PTPRD: variants seen among roughly 807,000 people sequenced by gnomAD.
The protein encoded by PTPRD is protein tyrosine phosphatase receptor type D.
In PTPRD, 34 loss-of-function variants were observed where a neutral mutation model predicts 214.5. The ratio of observed to expected loss-of-function variants is 0.16; its 90% CI spans 0.12 to 0.21. The LOEUF is 0.21. PTPRD is among the 10% of genes least tolerant of loss of function. PTPRD has a pLI of 1.00. For synonymous variants in PTPRD, 1,128 were observed against 845.7 expected (o/e 1.33, Z -5.79); for missense variants, 2,545 against 2,398.7 (o/e 1.06, Z -1.27).
chr9:8,561,553 T>C (rs1304628625), intron 14 of PTPRD, among the ~76,000 whole-genome samples: 2 of 152,078 alleles, frequency 1.3e-5, no homozygotes, highest in Non-Finnish European at 2.9e-5. Flanking sequence ...CAAGCGAGAC[T>C]CAGCGGGCTG....
At chr9:9,161,510 G>C (rs1275383402) in intron 10 of PTPRD, among the ~76,000 whole-genome samples, 1 of 152,088 alleles carries the variant, frequency 6.6e-6, no homozygotes, top group African/African-American at 2.4e-5. Flanking sequence ...TAGCAATAGA[G>C]ATTTAATTTT....
intron 3 of PTPRD, among the ~76,000 whole-genome samples, chr9:10,292,029 G>A (rs1565083170): frequency 1.3e-5 from 2 of 152,070 alleles, no homozygotes; most frequent in South Asian, 2.1e-4. Flanking sequence ...CTTAGAGTAA[G>A]CTCTCCATTA....
chr9:8,354,885 G>A (rs929888906), intron 39 of PTPRD, among the ~76,000 whole-genome samples: 1 of 152,190 alleles, frequency 6.6e-6, no homozygotes, highest in African/African-American at 2.4e-5. Context: ...TGCTGTTCCT[G>A]TAATTGTCTT....
intron 3 of PTPRD, among the ~76,000 whole-genome samples, chr9:10,319,582 G>A (rs2096514379): frequency 6.6e-6 from 1 of 152,014 alleles, no homozygotes; most frequent in South Asian, 2.1e-4. Flanking sequence ...GTTAAAGAGA[G>A]TCACACCTTA....
intron 39 of PTPRD, among the ~76,000 whole-genome samples, chr9:8,347,562 G>A (rs1283233837): frequency 6.6e-6 from 1 of 152,136 alleles, no homozygotes; most frequent in Non-Finnish European, 1.5e-5. Flanking sequence ...CACCTTTGAG[G>A]AAGTGCCATT....
At chr9:10,141,575 C>G (rs1358886489) in intron 3 of PTPRD, among the ~76,000 whole-genome samples, 2 of 152,030 alleles carry the variant, frequency 1.3e-5, no homozygotes. Context: ...AGGAGAACTA[C>G]AAACCACTGC....
intron 5 of PTPRD, among the ~76,000 whole-genome samples, chr9:9,933,474 A>G (rs1243138024): frequency 1.3e-5 from 2 of 151,840 alleles, no homozygotes; most frequent in African/African-American, 4.9e-5. Context: ...ATCAAAAGAG[A>G]CAAAGAAGGC....
At chr9:9,001,221 T>A (rs1328934694) in intron 11 of PTPRD, among the ~76,000 whole-genome samples, 1 of 151,980 alleles carries the variant, frequency 6.6e-6, no homozygotes, top group Non-Finnish European at 1.5e-5. Context: ...GTTGCAGCAA[T>A]AAACAAGAAA....
At chr9:10,263,093 A>G (rs1406762161) in intron 3 of PTPRD, among the ~76,000 whole-genome samples, 1 of 152,152 alleles carries the variant, frequency 6.6e-6, no homozygotes, top group Non-Finnish European at 1.5e-5. Context: ...CTCCCCAGCC[A>G]TGTGGAACTG....
intron 3 of PTPRD, among the ~76,000 whole-genome samples, chr9:10,098,161 C>T (rs1486338466): frequency 6.6e-6 from 1 of 151,578 alleles, no homozygotes; most frequent in East Asian, 2.0e-4. Context: ...TACTATGGAG[C>T]CATAAAAAAT....
intron 10 of PTPRD, among the ~76,000 whole-genome samples, chr9:9,141,169 C>T (rs1419576024): frequency 6.9e-6 from 1 of 145,614 alleles, no homozygotes; most frequent in Non-Finnish European, 1.5e-5. Flanking sequence ...CTCCCCTCCT[C>T]TTCTCTCTCT....
chr9:9,075,543 T>C (rs577051193), intron 10 of PTPRD, among the ~76,000 whole-genome samples: 2 of 152,278 alleles, frequency 1.3e-5, no homozygotes, highest in South Asian at 4.1e-4. Flanking sequence ...ATATATCTCC[T>C]AATGCTATCC....
At chr9:9,516,896 A>AT (rs375234880) in intron 8 of PTPRD, among the ~76,000 whole-genome samples, 18 of 152,220 alleles carry the variant, frequency 1.2e-4, no homozygotes, top group African/African-American at 3.8e-4. Context: ...AAAATTAAAC[A>AT]TATTTATGGA....
At chr9:9,856,504 A>C (rs2061581902) in intron 5 of PTPRD, among the ~76,000 whole-genome samples, 1 of 152,170 alleles carries the variant, frequency 6.6e-6, no homozygotes, top group Admixed American at 6.5e-5. Context: ...TGGAATCTTC[A>C]TTCCTCAAGA....
chr9:10,394,056 TTA>T lies in PTPRD; in HGVS notation c.-599-53041_-599-53040del, dbSNP rs66596655. Among the ~76,000 whole-genome samples the T allele has an allele frequency of 2.4e-3, 338 of 139,942 alleles. 1 individual carries two copies. The highest frequency in any genetic ancestry group is 3.9e-3 in the Non-Finnish European group (254 of 64,434). 91.8% of individuals were successfully genotyped at this position (139,942 alleles called of 152,430 possible). A position where few individuals can be genotyped will look rare whatever the true frequency, so the allele number is the denominator to read the frequency against. The stretch of plus-strand genomic sequence containing the variant: ...ATAAATAGATACCCATATATACATA[TTA>T]TATATATATATATATATAGAGAGAG... On this transcript the variant is annotated intron_variant, in intron 2 of 45. Transcript: ENST00000381196.
intron 5 of PTPRD, among the ~76,000 whole-genome samples, chr9:9,767,160 T>C (rs1294091865): frequency 1.3e-5 from 2 of 152,000 alleles, no homozygotes; most frequent in Non-Finnish European, 2.9e-5. Context: ...TATACAGATA[T>C]CAATTTTATG....
chr9:9,027,632 G>T (rs1011093273), intron 10 of PTPRD, among the ~76,000 whole-genome samples: 1 of 151,820 alleles, frequency 6.6e-6, no homozygotes, highest in Admixed American at 6.6e-5. Flanking sequence ...CTATCAAGAG[G>T]TCTTAATAAA....
At position 9,000,960 on chromosome 9, in the gene PTPRD, G is replaced by C. The variant is rs572002409; in HGVS notation, c.-104+17737C>G. 2.6e-5 allele frequency among the ~76,000 whole-genome samples: 4 copies of C among 151,986 alleles called. No homozygotes were observed. The South Asian group carries it at 8.3e-4, about 32-fold the overall frequency. ...GAGTCATACCTTAACCATACAAACA[G>C]CTACAGCAAAGCACGCACAGCCAGC... On this transcript the variant is annotated intron_variant, in intron 11 of 45. Transcript: ENST00000381196.
At chr9:8,414,854 G>A (rs1285878294) in intron 35 of PTPRD, among the ~76,000 whole-genome samples, 2 of 146,594 alleles carry the variant, frequency 1.4e-5, no homozygotes, top group African/African-American at 5.1e-5. Flanking sequence ...GGGGAGGGAA[G>A]GCGTGCAGGG....
Sources: gnomAD v4.1 joint callset for allele counts (sites outside exome capture counted in the v4.1 genomes callset) on GRCh38, gnomAD v4.1.1 for gene constraint, MANE v1.5 for transcripts, NCBI Gene and HGNC (gene_info 2026-07-23, HGNC 2026-07-21) for gene names.